The following RUNX2 variants were observed in gnomAD, a reference collection of about 807,000 sequenced individuals.
The protein encoded by RUNX2 is runt-related transcription factor 2.
A neutral mutation model predicts 51.7 loss-of-function variants in RUNX2; 10 were observed. The ratio of observed to expected loss-of-function variants is 0.19; its 90% CI spans 0.12 to 0.33. The LOEUF (loss-of-function observed/expected upper bound fraction) is 0.33. Among genes scored for constraint, RUNX2 ranks in the 10% least tolerant of loss-of-function variants. RUNX2 has a pLI of 1.00. For synonymous variants in RUNX2, 276 were observed against 273.6 expected (o/e 1.01, Z -0.09); for missense variants, 562 against 691.3 (o/e 0.81, Z 2.10).
At chr6:45,424,122 C>T (rs576834952) in intron 3 of RUNX2, among the ~76,000 whole-genome samples, 50 of 152,358 alleles carry the variant, frequency 3.3e-4, no homozygotes, top group Non-Finnish European at 6.2e-4. Context: ...GCGCGCCCCG[C>T]AGACTCTTGT....
chr6:45,481,082 ACT>A (rs1364548121), intron 5 of RUNX2, among the ~76,000 whole-genome samples: 2 of 151,994 alleles, frequency 1.3e-5, no homozygotes, highest in African/African-American at 4.8e-5. Context: ...TGCTTAAAAC[ACT>A]CTGTCTCTCT....
chr6:45,436,598 G>A (rs1798692968), intron 4 of RUNX2, among the ~76,000 whole-genome samples: 1 of 152,068 alleles, frequency 6.6e-6, no homozygotes, highest in African/African-American at 2.4e-5. Context: ...TATAGCCAAG[G>A]AGACTTAAAA....
rs576311985 is a variant in RUNX2 at position 45,544,221 on chromosome 6, A to G, written c.1022-996A>G. Among the ~76,000 whole-genome samples, 75 of 152,272 alleles carry G rather than the reference A, an allele frequency of 4.9e-4. 1 individual carries two copies. In the South Asian group the frequency reaches 0.014, roughly 28 times the overall value. On this transcript the variant is annotated intron_variant, in intron 7 of 8. Transcript: ENST00000647337. Reference sequence around the variant, plus strand: ...TGTAAACCTAGCGGAAATTTGTTGCATTGTTTTCTATAAACCATAACCAGA... The same window carrying G: ...TGTAAACCTAGCGGAAATTTGTTGCGTTGTTTTCTATAAACCATAACCAGA...
intron 7 of RUNX2, among the ~76,000 whole-genome samples, chr6:45,535,281 G>A (rs749203928): frequency 1.3e-5 from 2 of 152,060 alleles, no homozygotes; most frequent in Non-Finnish European, 2.9e-5. Context: ...GTGATTGCGC[G>A]ATTGTTGCTT....
At chr6:45,377,469 T>C (rs947050652) in intron 2 of RUNX2, 10 of 152,024 alleles carry the variant, frequency 6.6e-5, no homozygotes, top group African/African-American at 2.2e-4. Flanking sequence ...ACCCCGCTTC[T>C]CAGCACAGCC....
At chr6:45,405,605 A>G (rs1797817179) in intron 2 of RUNX2, among the ~76,000 whole-genome samples, 1 of 152,202 alleles carries the variant, frequency 6.6e-6, no homozygotes, top group South Asian at 2.1e-4. Context: ...CCTGGCCAAT[A>G]TGGTGAAACC....
chr6:45,388,770 G>A (rs999486649), intron 2 of RUNX2, among the ~76,000 whole-genome samples: 1 of 152,054 alleles, frequency 6.6e-6, no homozygotes, highest in Non-Finnish European at 1.5e-5. Context: ...TGTCATACAG[G>A]ATTTAAAAAT....
chr6:45,347,983 C>A (rs929491754), intron 2 of RUNX2, among the ~76,000 whole-genome samples: 1 of 152,006 alleles, frequency 6.6e-6, no homozygotes, highest in African/African-American at 2.4e-5. Context: ...CTTTTACAAT[C>A]AGAGAAAGTT....
At chr6:45,348,544 G>A (rs148415754) in intron 2 of RUNX2, among the ~76,000 whole-genome samples, 3,863 of 137,960 alleles carry the variant, frequency 0.028, 193 homozygotes, top group African/African-American at 0.099. Flanking sequence ...GTATGGTGGC[G>A]CATGCCTGTA....
At chr6:45,382,476 G>C (rs1014754600) in intron 2 of RUNX2, among the ~76,000 whole-genome samples, 5 of 152,328 alleles carry the variant, frequency 3.3e-5, no homozygotes, top group Non-Finnish European at 7.4e-5. Flanking sequence ...TGAGAAAGTA[G>C]TATTTGAAGA....
chr6:45,495,989 G>A (rs1800632858), intron 6 of RUNX2, among the ~76,000 whole-genome samples: 2 of 152,118 alleles, frequency 1.3e-5, no homozygotes, highest in Non-Finnish European at 2.9e-5. Context: ...TTCAGCTGAA[G>A]GCCCAGGGCC....
chr6:45,329,604 T>C (rs552809082), intron 2 of RUNX2, among the ~76,000 whole-genome samples: 1 of 152,064 alleles, frequency 6.6e-6, no homozygotes, highest in South Asian at 2.1e-4. Flanking sequence ...TTCTTGGACC[T>C]ACCAAAATGA....
rs935094820 is a variant in RUNX2 at position 45,365,369 on chromosome 6, A to C, written c.58+36585A>C. 2.8e-6 allele frequency: 3 copies of C among 1,066,924 alleles called. No homozygotes were observed. In the African/African-American group the frequency reaches 4.8e-5, roughly 17 times the overall value. 66.1% of individuals were successfully genotyped at this position (1,066,924 alleles called of 1,614,324 possible). On this transcript the variant is annotated intron_variant, in intron 2 of 8. Coordinates refer to ENST00000647337, the MANE Select transcript of RUNX2 (RefSeq NM_001024630.4). ...TATAAGTAAATGCAAAAAAAAAAGA[A>C]AGCAAATATAAATTACTTCAAAAAG...
chr6:45,380,386 G>A (rs1252400824), intron 2 of RUNX2, among the ~76,000 whole-genome samples: 1 of 152,176 alleles, frequency 6.6e-6, no homozygotes, highest in Non-Finnish European at 1.5e-5. Flanking sequence ...CATTGTTAGC[G>A]TAGACTTTAA....
chr6:45,470,422 AC>A (rs1258619910), intron 5 of RUNX2, among the ~76,000 whole-genome samples: 1 of 152,210 alleles, frequency 6.6e-6, no homozygotes, highest in Non-Finnish European at 1.5e-5. Flanking sequence ...AGTTTGAGAG[AC>A]ACAATGGAGT....
chr6:45,473,592 A>G (rs1224700664), intron 5 of RUNX2, among the ~76,000 whole-genome samples: 1 of 152,196 alleles, frequency 6.6e-6, no homozygotes, highest in Non-Finnish European at 1.5e-5. Context: ...ATGGTACATA[A>G]AAATGGCTTA....
At chr6:45,507,786 C>A (rs373748264) in intron 6 of RUNX2, among the ~76,000 whole-genome samples, 1 of 152,234 alleles carries the variant, frequency 6.6e-6, no homozygotes, top group East Asian at 1.9e-4. Context: ...GTGAACTACA[C>A]GGTACAGGAA....
At chr6:45,332,582 G>A (rs1787733965) in intron 2 of RUNX2, among the ~76,000 whole-genome samples, 1 of 151,720 alleles carries the variant, frequency 6.6e-6, no homozygotes, top group Non-Finnish European at 1.5e-5. Context: ...TAAGTCAATA[G>A]TGAAGTCATG....
At chr6:45,372,112 T>C (rs1239070938) in intron 2 of RUNX2, 1 of 716,424 alleles carries the variant, frequency 1.4e-6, no homozygotes, top group Admixed American at 6.3e-5. Flanking sequence ...AATATCTGAC[T>C]ATGCCAAACC....
Sources: allele counts gnomAD v4.1 joint callset (sites outside exome capture counted in the v4.1 genomes callset), GRCh38; gene constraint gnomAD v4.1.1; transcripts MANE v1.5; gene names NCBI Gene and HGNC (gene_info 2026-07-23, HGNC 2026-07-21).